Variants in SPATA16 observed in about 807,000 individuals in gnomAD.
The protein encoded by SPATA16 is spermatogenesis-associated protein 16.
Under a neutral mutation model 63.3 loss-of-function variants are expected in SPATA16, and 36 were observed. That is an observed-to-expected ratio of 0.57 (90% CI 0.44 to 0.75). The LOEUF (loss-of-function observed/expected upper bound fraction) is 0.75. SPATA16 is among the 30% of genes least tolerant of loss of function. The probability of loss-of-function intolerance (pLI) is 0.00; values close to 1 mark genes in which losing one functional copy is unlikely to be tolerated. For missense variants in SPATA16, 646 were observed against 679.3 expected, an observed-to-expected ratio of 0.95 and a Z score of 0.54; for synonymous variants, 203 against 216.7, an observed-to-expected ratio of 0.94 and a Z score of 0.56.
chr3:173,003,833 AG>A (rs1212750066), intron 4 of SPATA16, among the ~76,000 whole-genome samples: 6 of 152,302 alleles, frequency 3.9e-5, no homozygotes, highest in Non-Finnish European at 8.8e-5. Flanking sequence ...CCAGGCAGTG[AG>A]TTTAGTCTTT....
At chr3:173,054,138 T>G (rs73044936) in intron 2 of SPATA16, among the ~76,000 whole-genome samples, 10,996 of 151,960 alleles carry the variant, frequency 0.072, 548 homozygotes, top group African/African-American at 0.14. Flanking sequence ...TATTCCCCTC[T>G]CAGCAAATGA....
chr3:172,990,436 G>GA (rs940067212), intron 4 of SPATA16, among the ~76,000 whole-genome samples: 3 of 152,104 alleles, frequency 2.0e-5, no homozygotes, highest in African/African-American at 7.2e-5. Context: ...TATTCCTCCA[G>GA]AAAAAAATTT....
chr3:172,940,974 C>G (rs1314526168), intron 6 of SPATA16, among the ~76,000 whole-genome samples: 1 of 151,954 alleles, frequency 6.6e-6, no homozygotes, highest in Non-Finnish European at 1.5e-5. Flanking sequence ...CAGAGAGAGA[C>G]TCCATCTCAA....
At chr3:172,961,065 T>TTCCTTCCTTCCTTCCTTC (rs1560080300) in intron 5 of SPATA16, among the ~76,000 whole-genome samples, 12 of 40,160 alleles carry the variant, frequency 3.0e-4, no homozygotes, top group Admixed American at 1.1e-3. Context: ...CTTTCTTTCT[T>TTCCTTCCTTCCTTCCTTC]CTTTCTTCCT....
intron 4 of SPATA16, among the ~76,000 whole-genome samples, chr3:173,007,606 T>C (rs932200670): frequency 6.6e-6 from 1 of 152,146 alleles, no homozygotes; most frequent in South Asian, 2.1e-4. Flanking sequence ...AGGCTAAAGA[T>C]AAGAACATTT....
chr3:173,134,871 TA>T (rs1167547449), intron 1 of SPATA16, among the ~76,000 whole-genome samples: 2 of 151,974 alleles, frequency 1.3e-5, no homozygotes, highest in Admixed American at 6.6e-5. Flanking sequence ...ACAGTAAATG[TA>T]AAAAAAACAA....
intron 2 of SPATA16, among the ~76,000 whole-genome samples, chr3:173,087,411 T>C (rs1320522411): frequency 1.3e-5 from 2 of 152,202 alleles, no homozygotes; most frequent in African/African-American, 4.8e-5. Flanking sequence ...TTTGAGCCTA[T>C]GTGTGTCTTT....
chr3:172,973,882 G>C, intron 5 of SPATA16, among the ~76,000 whole-genome samples: 1 of 152,248 alleles, frequency 6.6e-6, no homozygotes, highest in Non-Finnish European at 1.5e-5. Context: ...CAGATGCCTG[G>C]ATGTCGGGTT....
chr3:172,932,001 G>A (rs2109587997), intron 6 of SPATA16, among the ~76,000 whole-genome samples: 1 of 152,260 alleles, frequency 6.6e-6, no homozygotes, highest in South Asian at 2.1e-4. Flanking sequence ...ACCAATGGCA[G>A]CATCAGAAAA....
chr3:173,087,675 C>T (rs972998552), intron 2 of SPATA16, among the ~76,000 whole-genome samples: 16 of 152,020 alleles, frequency 1.1e-4, no homozygotes, highest in Non-Finnish European at 1.9e-4. Flanking sequence ...TTTTCCTTTC[C>T]ATATTTAGTG....
intron 2 of SPATA16, among the ~76,000 whole-genome samples, chr3:173,092,369 T>C (rs1560120291): frequency 6.6e-6 from 1 of 152,202 alleles, no homozygotes; most frequent in East Asian, 1.9e-4. Flanking sequence ...TCCTCAAAGA[T>C]GTCTATATCC....
chr3:173,000,636 C>G (rs1351223722), intron 4 of SPATA16, among the ~76,000 whole-genome samples: 2 of 151,452 alleles, frequency 1.3e-5, no homozygotes, highest in African/African-American at 4.8e-5. Context: ...TCCTTTCTCT[C>G]TTTTTCTCCT....
chr3:173,057,018 T>C (rs1425501987), intron 2 of SPATA16, among the ~76,000 whole-genome samples: 1 of 152,048 alleles, frequency 6.6e-6, no homozygotes, highest in Non-Finnish European at 1.5e-5. Flanking sequence ...GTTTGCATAC[T>C]CACGTATTTA....
intron 3 of SPATA16, among the ~76,000 whole-genome samples, chr3:173,024,201 T>C (rs1237044119): frequency 2.0e-5 from 3 of 151,616 alleles, no homozygotes; most frequent in Non-Finnish European, 4.4e-5. Context: ...TAACTTAATA[T>C]CGCAATAATT....
chr3:172,980,068 A>G lies in SPATA16; in HGVS notation c.849-3016T>C, dbSNP rs572527313. On this transcript the variant is annotated intron_variant, in intron 4 of 10. Transcript: ENST00000351008. ...CCTGCCTTCCTTTGTCTGGTTCTCT[A>G]TTGTAACTCTGCCCTACTGCTCAGC... Among the ~76,000 whole-genome samples the G allele has an allele frequency of 9.2e-5, 14 of 152,198 alleles. No homozygotes were observed. The South Asian group carries it at 2.5e-3, about 27-fold the overall frequency.
At chr3:173,024,354 A>G (rs1735404381) in intron 3 of SPATA16, among the ~76,000 whole-genome samples, 1 of 151,568 alleles carries the variant, frequency 6.6e-6, no homozygotes, top group Non-Finnish European at 1.5e-5. Context: ...GTGTTTCAAT[A>G]TTTCATTGAT....
chr3:173,011,060 G>A (rs1735061899), intron 4 of SPATA16, among the ~76,000 whole-genome samples: 2 of 152,118 alleles, frequency 1.3e-5, no homozygotes, highest in African/African-American at 4.8e-5. Flanking sequence ...AAATCAAGGA[G>A]GAGGGACTTC....
At chr3:172,906,448 C>G (rs971263402) in intron 10 of SPATA16, among the ~76,000 whole-genome samples, 1 of 152,206 alleles carries the variant, frequency 6.6e-6, no homozygotes, top group Non-Finnish European at 1.5e-5. Context: ...TCCTCAGTGA[C>G]TCTTTGGCTC....
chr3:172,948,265 C>T (rs1733340481), intron 6 of SPATA16, among the ~76,000 whole-genome samples: 2 of 152,058 alleles, frequency 1.3e-5, no homozygotes, highest in South Asian at 2.1e-4. Flanking sequence ...AAAAGACCTC[C>T]GATACGTCTG....
Sources: gnomAD v4.1 joint callset for allele counts (sites outside exome capture counted in the v4.1 genomes callset) on GRCh38, gnomAD v4.1.1 for gene constraint, MANE v1.5 for transcripts, NCBI Gene and HGNC (gene_info 2026-07-23, HGNC 2026-07-21) for gene names.